Variants in CNTN5 observed in about 807,000 individuals in gnomAD.
The protein encoded by CNTN5 is contactin-5.
A neutral mutation model predicts 129.1 loss-of-function variants in CNTN5; 77 were observed. That is an observed-to-expected ratio of 0.60 (90% confidence interval 0.50 to 0.72). The LOEUF (loss-of-function observed/expected upper bound fraction) is 0.72, where lower values mean the gene tolerates loss of function less well. CNTN5 is among the 30% of genes least tolerant of loss of function. The pLI, the probability that CNTN5 is intolerant of heterozygous loss-of-function variation, is 0.00. For missense variants in CNTN5, 1,478 were observed against 1,328.8 expected (o/e 1.11, Z -1.75); for synonymous variants, 509 against 465.6 (o/e 1.09, Z -1.20).
intron 1 of CNTN5, among the ~76,000 whole-genome samples, chr11:99,133,626 A>AAAAAAAAAAAAG (rs1859065090): frequency 1.4e-5 from 1 of 69,738 alleles, no homozygotes; most frequent in Non-Finnish European, 3.4e-5. Flanking sequence ...AAGAAAAAAA[A>AAAAAAAAAAAAG]AAGACCATAC....
chr11:99,436,646 G>A (rs1943610942), intron 2 of CNTN5, among the ~76,000 whole-genome samples: 1 of 152,072 alleles, frequency 6.6e-6, no homozygotes, highest in African/African-American at 2.4e-5. Context: ...ATCACCTCCA[G>A]ATTACTTCTG....
At chr11:99,180,477 A>G (rs1366011285) in intron 1 of CNTN5, among the ~76,000 whole-genome samples, 1 of 152,176 alleles carries the variant, frequency 6.6e-6, no homozygotes, top group African/African-American at 2.4e-5. Flanking sequence ...GACTGGGCTC[A>G]AGGAACACAA....
At chr11:99,529,804 G>A (rs1431481876) in intron 2 of CNTN5, among the ~76,000 whole-genome samples, 1 of 152,030 alleles carries the variant, frequency 6.6e-6, no homozygotes, top group African/African-American at 2.4e-5. Context: ...AATGGACAAT[G>A]TGGAAAACAC....
At chr11:100,131,410 G>A (rs1946375777) in intron 13 of CNTN5, among the ~76,000 whole-genome samples, 1 of 151,994 alleles carries the variant, frequency 6.6e-6, no homozygotes, top group Non-Finnish European at 1.5e-5. Flanking sequence ...GGATATGGGA[G>A]GAAGAATGAT....
intron 1 of CNTN5, among the ~76,000 whole-genome samples, chr11:99,318,027 A>G (rs753605041): frequency 2.6e-5 from 4 of 152,310 alleles, no homozygotes; most frequent in Admixed American, 2.0e-4. Context: ...TCAAAATCCA[A>G]GTATAAAACT....
intron 1 of CNTN5, among the ~76,000 whole-genome samples, chr11:99,180,989 G>T (rs186818932): frequency 7.3e-4 from 111 of 152,272 alleles, no homozygotes; most frequent in African/African-American, 2.6e-3. Flanking sequence ...TTATAACAAC[G>T]TAAGTCCAGT....
At chr11:99,973,462 A>G (rs184640523) in intron 8 of CNTN5, among the ~76,000 whole-genome samples, 14 of 152,208 alleles carry the variant, frequency 9.2e-5, no homozygotes, top group African/African-American at 3.1e-4. Context: ...TTAATAAGAG[A>G]GCCTATTTTC....
At chr11:99,239,621 G>A (rs571226501) in intron 1 of CNTN5, among the ~76,000 whole-genome samples, 1 of 152,244 alleles carries the variant, frequency 6.6e-6, no homozygotes, top group Admixed American at 6.5e-5. Flanking sequence ...ATGAAAACCA[G>A]GATGGAACTA....
At chr11:99,042,773 T>A (rs1480111704) in intron 1 of CNTN5, among the ~76,000 whole-genome samples, 1 of 148,540 alleles carries the variant, frequency 6.7e-6, no homozygotes, top group Non-Finnish European at 1.5e-5. Context: ...AAATACTTAT[T>A]GAATGAATGA....
At chr11:99,771,907 A>G (rs929820207) in intron 3 of CNTN5, among the ~76,000 whole-genome samples, 62 of 151,880 alleles carry the variant, frequency 4.1e-4, no homozygotes, top group African/African-American at 1.5e-3. Flanking sequence ...ACTTTACTGT[A>G]TATTATATAC....
chr11:99,610,538 C>G (rs1474858428), intron 3 of CNTN5, among the ~76,000 whole-genome samples: 1 of 152,142 alleles, frequency 6.6e-6, no homozygotes, highest in Non-Finnish European at 1.5e-5. Context: ...AGAAGTCGAA[C>G]TATTACTTCA....
intron 2 of CNTN5, among the ~76,000 whole-genome samples, chr11:99,396,311 A>T (rs1177856156): frequency 6.6e-6 from 1 of 151,700 alleles, no homozygotes; most frequent in Admixed American, 6.6e-5. Context: ...GGAAATAAAA[A>T]TACCCAAAGT....
intron 3 of CNTN5, among the ~76,000 whole-genome samples, chr11:99,672,103 T>G (rs575595920): frequency 9.8e-5 from 15 of 152,322 alleles, no homozygotes; most frequent in African/African-American, 3.6e-4. Flanking sequence ...ACAGCCTCTT[T>G]CGTATTCTTA....
intron 1 of CNTN5, among the ~76,000 whole-genome samples, chr11:99,062,008 T>C (rs1864902419): frequency 6.8e-6 from 1 of 146,788 alleles, no homozygotes; most frequent in African/African-American, 2.5e-5. Flanking sequence ...AAAAAAAGTC[T>C]CTGTGAATTT....
intron 9 of CNTN5, among the ~76,000 whole-genome samples, chr11:100,041,677 C>G (rs1406336338): frequency 6.6e-6 from 1 of 152,106 alleles, no homozygotes; most frequent in South Asian, 2.1e-4. Context: ...ATAGGCTGAC[C>G]TCAGCATTTA....
In CNTN5 at chr11:99,845,211, A is replaced by G. The variant is rs1947647434; in HGVS notation, c.526A>G (p.Thr176Ala). Residue 176 changes from threonine (T) to alanine (A), a missense_variant, in exon 6 of 25, where the codon ACC (threonine) becomes GCC (alanine). Coordinates refer to ENST00000524871, the MANE Select transcript of CNTN5 (RefSeq NM_014361.4). ...TTCTGGTCATTATCAGTGTTTAGCA[A>G]CCAACACTGTGGGGAGTATTCTTAG... Reference protein sequence around the residue: ...KDSGHYQCLATNTVGSILSRE... With the variant: ...KDSGHYQCLAANTVGSILSRE... 6 of 1,613,480 alleles carry G rather than the reference A, an allele frequency of 3.7e-6. No individual in the cohort carries two copies. Among genetic ancestry groups the G allele is most frequent in the African/African-American group, 1.3e-5 (1 of 74,892 alleles).
At chr11:100,333,565 A>C (rs578176812) in intron 21 of CNTN5, among the ~76,000 whole-genome samples, 4 of 152,292 alleles carry the variant, frequency 2.6e-5, no homozygotes, top group South Asian at 4.1e-4. Context: ...CCAAAACAGC[A>C]TGGTACTGAT....
chr11:100,330,695 A>T (rs796606083), intron 21 of CNTN5, among the ~76,000 whole-genome samples: 1 of 150,864 alleles, frequency 6.6e-6, no homozygotes, highest in African/African-American at 2.5e-5. Flanking sequence ...CAAAACAATT[A>T]TCCCCCAAGA....
intron 13 of CNTN5, among the ~76,000 whole-genome samples, chr11:100,152,065 A>G (rs538238299): frequency 5.3e-4 from 81 of 152,320 alleles, no homozygotes; most frequent in African/African-American, 1.9e-3. Flanking sequence ...GGAGGAAATA[A>G]GCAATCTTCA....
Sources: allele counts gnomAD v4.1 joint callset (sites outside exome capture counted in the v4.1 genomes callset), GRCh38; gene constraint gnomAD v4.1.1; transcripts MANE v1.5; gene names NCBI Gene and HGNC (gene_info 2026-07-23, HGNC 2026-07-21).